The following ADGRB3 variants were observed in gnomAD, a reference collection of about 807,000 sequenced individuals.
ADGRB3 encodes the protein adhesion G protein-coupled receptor B3.
Under a neutral mutation model 193.4 loss-of-function variants are expected in ADGRB3, and 37 were observed. The ratio of observed to expected loss-of-function variants is 0.19; its 90% confidence interval spans 0.15 to 0.25. ADGRB3 has a LOEUF of 0.25. ADGRB3 is among the 10% of genes least tolerant of loss of function. The pLI is 1.00. For missense variants in ADGRB3, 1,637 were observed against 1,852.9 expected (o/e 0.88, Z 2.14); for synonymous variants, 690 against 644.2 (o/e 1.07, Z -1.08).
intron 20 of ADGRB3, among the ~76,000 whole-genome samples, chr6:69,323,959 C>T (rs552907863): frequency 1.2e-4 from 18 of 151,780 alleles, no homozygotes; most frequent in Non-Finnish European, 1.9e-4. Context: ...TGCCATTTTC[C>T]GTTTTTAAAA....
chr6:69,073,147 T>A (rs934937531), intron 16 of ADGRB3, among the ~76,000 whole-genome samples: 2 of 152,212 alleles, frequency 1.3e-5, no homozygotes, highest in African/African-American at 4.8e-5. Context: ...ATGTCTATGT[T>A]CCTCATCTAC....
Position 69,332,949 on chromosome 6 carries a change from A to G in ADGRB3, c.3129A>G (p.Val1043=). Residue 1043 remains valine (V), a synonymous_variant, in exon 24 of 32, where the codon GTA becomes GTG. Transcript: ENST00000370598. Reference sequence around the variant, plus strand: ...TCAACATGGTGATTGGCATTTTGGTATTTAATAAACTTGTTTCCAGAGATG... The same window carrying G: ...TCAACATGGTGATTGGCATTTTGGTGTTTAATAAACTTGTTTCCAGAGATG... ...VLVNMVIGIL[V]FNKLVSRDGI... 2 of 1,613,894 alleles carry G rather than the reference A, an allele frequency of 1.2e-6. No individual in the cohort carries two copies. The highest frequency in any genetic ancestry group is 1.7e-4 in the Middle Eastern group (1 of 6,060).
At chr6:68,883,989 A>G (rs1765821059) in intron 3 of ADGRB3, among the ~76,000 whole-genome samples, 1 of 152,108 alleles carries the variant, frequency 6.6e-6, no homozygotes, top group African/African-American at 2.4e-5. Flanking sequence ...TGATGGTGTG[A>G]ACAAGAAAGC....
intron 26 of ADGRB3, among the ~76,000 whole-genome samples, chr6:69,354,028 A>C (rs548445433): frequency 2.4e-4 from 37 of 152,300 alleles, no homozygotes; most frequent in Non-Finnish European, 1.2e-4. Context: ...GCACCATTGC[A>C]CTCCAGCCTG....
intron 3 of ADGRB3, among the ~76,000 whole-genome samples, chr6:68,695,547 G>A (rs1220948185): frequency 6.6e-6 from 1 of 152,026 alleles, no homozygotes; most frequent in Admixed American, 6.6e-5. Flanking sequence ...GTAAAAGAAA[G>A]CCTAGGAACA....
At chr6:69,019,403 G>A (rs923869244) in intron 13 of ADGRB3, among the ~76,000 whole-genome samples, 3 of 151,972 alleles carry the variant, frequency 2.0e-5, no homozygotes, top group Non-Finnish European at 4.4e-5. Flanking sequence ...ACTTTGGTGG[G>A]AGAATTAACT....
chr6:68,709,398 A>G (rs1274451053), intron 3 of ADGRB3, among the ~76,000 whole-genome samples: 2 of 152,194 alleles, frequency 1.3e-5, no homozygotes, highest in Admixed American at 6.5e-5. Flanking sequence ...TAATACTTAA[A>G]TGACATGATG....
chr6:68,762,497 TAGAG>T (rs1288219248), intron 3 of ADGRB3, among the ~76,000 whole-genome samples: 2 of 150,650 alleles, frequency 1.3e-5, no homozygotes, highest in East Asian at 1.9e-4. Flanking sequence ...TATATATATA[TAGAG>T]AGAGAGAGAG....
At chr6:68,982,787 A>G (rs1768958027) in intron 10 of ADGRB3, among the ~76,000 whole-genome samples, 1 of 151,972 alleles carries the variant, frequency 6.6e-6, no homozygotes, top group Non-Finnish European at 1.5e-5. Flanking sequence ...TTTTCACTAT[A>G]TTTTTCCATC....
chr6:68,825,606 T>C (rs976080233), intron 3 of ADGRB3, among the ~76,000 whole-genome samples: 1 of 152,130 alleles, frequency 6.6e-6, no homozygotes, highest in African/African-American at 2.4e-5. Flanking sequence ...ATAATCCCCA[T>C]AATCCCTATG....
chr6:69,351,875 C>T (rs1019698777), intron 26 of ADGRB3, among the ~76,000 whole-genome samples: 11 of 152,164 alleles, frequency 7.2e-5, no homozygotes, highest in African/African-American at 2.7e-4. Flanking sequence ...TTAGCAAGGA[C>T]CATTCAAATT....
chr6:68,770,387 T>G (rs1161569512), intron 3 of ADGRB3, among the ~76,000 whole-genome samples: 1 of 152,164 alleles, frequency 6.6e-6, no homozygotes, highest in East Asian at 1.9e-4. Flanking sequence ...TGAAACCTAA[T>G]GTGTGCCAAA....
intron 3 of ADGRB3, among the ~76,000 whole-genome samples, chr6:68,910,905 A>G (rs990963194): frequency 1.4e-4 from 21 of 152,132 alleles, no homozygotes; most frequent in African/African-American, 4.6e-4. Flanking sequence ...TTTTGGTTCC[A>G]TATGAACTTT....
chr6:68,798,551 G>A (rs1307056538), intron 3 of ADGRB3, among the ~76,000 whole-genome samples: 1 of 152,064 alleles, frequency 6.6e-6, no homozygotes, highest in African/African-American at 2.4e-5. Flanking sequence ...GGGGCTAGAC[G>A]AGGGATAGCA....
intron 17 of ADGRB3, among the ~76,000 whole-genome samples, chr6:69,203,426 T>C (rs963607454): frequency 6.6e-5 from 10 of 151,836 alleles, no homozygotes; most frequent in African/African-American, 2.4e-4. Context: ...TATTCCTTCT[T>C]TCTATTAGTC....
At position 68,722,590 on chromosome 6, in the gene ADGRB3, A is replaced by G. The variant is rs75874497; in HGVS notation, c.757+83158A>G. 5.1e-3 allele frequency among the ~76,000 whole-genome samples: 762 copies of G among 150,448 alleles called. 3 individuals are homozygous for G. Among genetic ancestry groups the G allele is most frequent in the South Asian group, 0.01 (48 of 4,746 alleles). On this transcript the variant is annotated intron_variant, in intron 3 of 31. Transcript: ENST00000370598. Reference sequence around the variant, plus strand: ...TTGGATATTGAGTCAATTTGTGTTAAATTTATTTCTTTTTCTTTTTTTTTT... The same window carrying G: ...TTGGATATTGAGTCAATTTGTGTTAGATTTATTTCTTTTTCTTTTTTTTTT...
At chr6:68,883,943 C>T (rs1313541972) in intron 3 of ADGRB3, among the ~76,000 whole-genome samples, 2 of 152,130 alleles carry the variant, frequency 1.3e-5, no homozygotes, top group Non-Finnish European at 2.9e-5. Context: ...TTTAAGGGTA[C>T]TTCCAAGGTT....
At position 69,246,796 on chromosome 6, in the gene ADGRB3, G is replaced by C. The variant is rs1183307493; in HGVS notation, c.2814+7570G>C. ...AGGAAGCAGTTTGGACATTCAGTGA[G>C]TATTCTTAGCTTCAACTTCAAAGCC... is the stretch of plus-strand genomic sequence containing the variant. On this transcript the variant is annotated intron_variant, in intron 20 of 31. Transcript: ENST00000370598. Among the ~76,000 whole-genome samples, 4 of 152,190 alleles carry C rather than the reference G, an allele frequency of 2.6e-5. No homozygotes were observed. The East Asian group carries it at 7.7e-4, about 29-fold the overall frequency.
At chr6:69,323,644 G>A (rs3757053) in intron 20 of ADGRB3, among the ~76,000 whole-genome samples, 5,641 of 152,026 alleles carry the variant, frequency 0.037, 176 homozygotes, top group Admixed American at 0.094. Flanking sequence ...ATTTGGTTGG[G>A]CACTTGCTGT....
Sources: gnomAD v4.1 joint callset for allele counts (sites outside exome capture counted in the v4.1 genomes callset) on GRCh38, gnomAD v4.1.1 for gene constraint, MANE v1.5 for transcripts, NCBI Gene and HGNC (gene_info 2026-07-23, HGNC 2026-07-21) for gene names.